The following NBPF3 variants were observed in gnomAD, a reference collection of about 807,000 sequenced individuals.
NBPF3 encodes NBPF member 3, also known as NBPF family member NBPF3.
NBPF3 carries 57 observed loss-of-function variants against 78.1 expected under a neutral mutation model. The ratio of observed to expected loss-of-function variants is 0.73; its 90% confidence interval spans 0.59 to 0.91. The LOEUF (loss-of-function observed/expected upper bound fraction) is 0.91, where lower values mean the gene tolerates loss of function less well. Among genes scored for constraint, NBPF3 ranks in the 40% least tolerant of loss-of-function variants. The probability of loss-of-function intolerance (pLI) is 0.00; values close to 1 mark genes in which losing one functional copy is unlikely to be tolerated. For synonymous variants in NBPF3, 182 were observed against 271.7 expected (o/e 0.67, Z 3.25); for missense variants, 510 against 715.3 (o/e 0.71, Z 3.27).
intron 10 of NBPF3, among the ~76,000 whole-genome samples, chr1:21,479,846 G>C (rs1227989399): frequency 2.0e-5 from 3 of 148,698 alleles, no homozygotes; most frequent in African/African-American, 7.3e-5. Flanking sequence ...GTGTGTGTGT[G>C]TGTGTGTATG....
chr1:21,475,015 A>G (rs534250902), intron 8 of NBPF3, 64 bp downstream of exon 8: 9 of 1,430,122 alleles, frequency 6.3e-6, no homozygotes, highest in South Asian at 4.6e-5. Flanking sequence ...AGATTTAGAG[A>G]AAATGAGGAA....
intron 4 of NBPF3, among the ~76,000 whole-genome samples, chr1:21,471,252 TCCATGG>T (rs1262108984): frequency 6.6e-6 from 1 of 152,172 alleles, no homozygotes; most frequent in Non-Finnish European, 1.5e-5. Flanking sequence ...CGTGGAAATG[TCCATGG>T]CCAGAGTGAG....
Position 21,470,743 on chromosome 1 carries a change from G to GC in NBPF3, c.446+14dup. ...CAAGCTGAGGAGCTCAGGTGAGTGG[G>GC]CCCCCTGGGGTCAGGCAGGTGGGCA... On this transcript the variant is annotated intron_variant, in intron 4 of 14. Coordinates refer to ENST00000318249, the MANE Select transcript of NBPF3 (RefSeq NM_032264.6). 6.3e-7 allele frequency: 1 copy of GC among 1,582,810 alleles called. No individual in the cohort carries two copies. Among genetic ancestry groups the GC allele is most frequent in the Admixed American group, 1.7e-5 (1 of 59,196 alleles).
chr1:21,445,784 C>T (rs1640935849), intron 2 of NBPF3, among the ~76,000 whole-genome samples: 1 of 152,172 alleles, frequency 6.6e-6, no homozygotes, highest in African/African-American at 2.4e-5. Flanking sequence ...CCTCCCATTC[C>T]AGAATCCTGT....
upstream of NBPF3, among the ~76,000 whole-genome samples, chr1:21,437,097 C>G (rs1342067849): frequency 6.6e-6 from 1 of 152,054 alleles, no homozygotes; most frequent in African/African-American, 2.4e-5. Flanking sequence ...TGTTAGGGTC[C>G]TGGTAGAGAG....
chr1:21,481,262 G>T (rs1281941383), intron 12 of NBPF3, among the ~76,000 whole-genome samples: 1 of 151,074 alleles, frequency 6.6e-6, no homozygotes, highest in African/African-American at 2.4e-5. Context: ...GAAAATTATT[G>T]AGCACAGTCT....
chr1:21,447,156 C>T (rs890820403), intron 2 of NBPF3, among the ~76,000 whole-genome samples: 1 of 152,184 alleles, frequency 6.6e-6, no homozygotes, highest in Non-Finnish European at 1.5e-5. Context: ...GTGGATAGTA[C>T]AGAGGGTTCT....
chr1:21,457,394 ATGTATATATATGCATG>A (rs1308512838), intron 2 of NBPF3, among the ~76,000 whole-genome samples: 1 of 150,298 alleles, frequency 6.7e-6, no homozygotes, highest in Non-Finnish European at 1.5e-5. Flanking sequence ...ATATATATGT[ATGTATATATATGCATG>A]TGTATATATA....
intron 2 of NBPF3, among the ~76,000 whole-genome samples, chr1:21,448,009 G>A (rs994823941): frequency 6.6e-6 from 1 of 151,944 alleles, no homozygotes; most frequent in African/African-American, 2.4e-5. Flanking sequence ...TTAGTTCTCA[G>A]AATTCTTCAT....
At chr1:21,443,210 T>C (rs1254678053) in intron 1 of NBPF3, among the ~76,000 whole-genome samples, 1 of 152,176 alleles carries the variant, frequency 6.6e-6, no homozygotes, top group East Asian at 1.9e-4. Flanking sequence ...AATAAGTGCA[T>C]AGAGCAGATG....
chr1:21,437,586 A>G, upstream of NBPF3: 3 of 770,742 alleles, frequency 3.9e-6, no homozygotes, highest in Non-Finnish European at 5.8e-6. Context: ...GCGTTTGGGC[A>G]TAACACCAGT....
intron 2 of NBPF3, among the ~76,000 whole-genome samples, chr1:21,455,689 A>G (rs1167367958): frequency 2.6e-5 from 4 of 152,236 alleles, no homozygotes; most frequent in African/African-American, 4.8e-5. Flanking sequence ...AGCAACTGCA[A>G]TCTGCAGGGC....
intron 2 of NBPF3, among the ~76,000 whole-genome samples, chr1:21,449,430 T>G (rs1214922394): frequency 6.6e-6 from 1 of 151,604 alleles, no homozygotes; most frequent in Non-Finnish European, 1.5e-5. Context: ...TTTCACATAA[T>G]AATATGTGGA....
At chr1:21,451,846 G>A in intron 2 of NBPF3, 1 of 583,308 alleles carries the variant, frequency 1.7e-6, no homozygotes, top group Non-Finnish European at 2.2e-6. Context: ...TACTAGTTGG[G>A]AATCCAGTGT....
At chr1:21,443,720 C>A (rs565462177) in intron 1 of NBPF3, among the ~76,000 whole-genome samples, 1 of 151,878 alleles carries the variant, frequency 6.6e-6, no homozygotes, top group South Asian at 2.1e-4. Flanking sequence ...CTCAAGCAGT[C>A]CTCCCACCTC....
intron 2 of NBPF3, among the ~76,000 whole-genome samples, chr1:21,450,152 G>C (rs1271531567): frequency 9.4e-6 from 1 of 106,664 alleles, no homozygotes; most frequent in East Asian, 3.3e-4. Flanking sequence ...AAATGGGCTG[G>C]CTGTGTTTTT....
chr1:21,437,233 G>A (rs1640442825), upstream of NBPF3, among the ~76,000 whole-genome samples: 1 of 152,010 alleles, frequency 6.6e-6, no homozygotes, highest in Admixed American at 6.5e-5. Context: ...CAGGATGCAA[G>A]GGGGAGGAGC....
rs150724265 is a variant in NBPF3 at position 21,447,384 on chromosome 1, G to A, written c.133+2165G>A. 3.7e-4 allele frequency among the ~76,000 whole-genome samples: 56 copies of A among 152,278 alleles called. No homozygotes were observed. The East Asian group carries it at 9.8e-3, about 27-fold the overall frequency. On this transcript the variant is annotated intron_variant, in intron 2 of 14. Coordinates refer to ENST00000318249, the MANE Select transcript of NBPF3 (RefSeq NM_032264.6). ...CAGCGTCATGCGAAATAGTTTCACT[G>A]CTGAAAATTCCCTGTGCGTCACCAT...
chr1:21,437,821 A>ATT (rs3053525), upstream of NBPF3, among the ~76,000 whole-genome samples: 1 of 143,412 alleles, frequency 7.0e-6, no homozygotes. Flanking sequence ...TGCCTGGCTA[A>ATT]TTTTTTTTTT....
Sources: gnomAD v4.1 joint callset for allele counts (sites outside exome capture counted in the v4.1 genomes callset) on GRCh38, gnomAD v4.1.1 for gene constraint, MANE v1.5 for transcripts, NCBI Gene and HGNC (gene_info 2026-07-23, HGNC 2026-07-21) for gene names.